SNX30: variants seen among roughly 807,000 people sequenced by gnomAD.
The protein encoded by SNX30 is sorting nexin family member 30, also known as sorting nexin-30.
A neutral mutation model predicts 46.4 loss-of-function variants in SNX30; 24 were observed. That is an observed-to-expected ratio of 0.52 (90% CI 0.37 to 0.73). The LOEUF (loss-of-function observed/expected upper bound fraction) is 0.73. Ranked by LOEUF, SNX30 falls within the 30% of genes least tolerant of loss-of-function variation. The pLI is 0.00. For missense variants in SNX30, 533 were observed against 555.7 expected, an observed-to-expected ratio of 0.96 and a Z score of 0.41; for synonymous variants, 189 against 211.5, an observed-to-expected ratio of 0.89 and a Z score of 0.92.
intron 2 of SNX30, among the ~76,000 whole-genome samples, chr9:112,811,758 G>A (rs1421026466): frequency 6.6e-6 from 1 of 152,200 alleles, no homozygotes; most frequent in Non-Finnish European, 1.5e-5. Flanking sequence ...GACACACGAT[G>A]TGGAAGGACA....
chr9:112,817,362 A>ATTCTATTT (rs1588126076), intron 2 of SNX30, among the ~76,000 whole-genome samples: 2 of 124,762 alleles, frequency 1.6e-5, no homozygotes, highest in East Asian at 5.4e-4. Context: ...GGATAGTTGA[A>ATTCTATTT]TTCTATTTCC....
chr9:112,786,243 G>A (rs1271821564), intron 1 of SNX30, among the ~76,000 whole-genome samples: 1 of 151,702 alleles, frequency 6.6e-6, no homozygotes, highest in Admixed American at 6.6e-5. Flanking sequence ...TCAGCCTCCT[G>A]AGTAGCTGGG....
At chr9:112,755,296 C>T (rs940450689) in intron 1 of SNX30, among the ~76,000 whole-genome samples, 3 of 152,016 alleles carry the variant, frequency 2.0e-5, no homozygotes, top group Non-Finnish European at 2.9e-5. Context: ...GAAGACTGTC[C>T]GGGGAGGGAC....
chr9:112,857,041 C>T (rs529009711), intron 7 of SNX30, among the ~76,000 whole-genome samples: 1 of 152,322 alleles, frequency 6.6e-6, no homozygotes, highest in Admixed American at 6.5e-5. Flanking sequence ...TGGTGCCTTT[C>T]CCCAGGGCGC....
At chr9:112,843,702 AC>A (rs1840894118) in intron 6 of SNX30, among the ~76,000 whole-genome samples, 1 of 129,308 alleles carries the variant, frequency 7.7e-6, no homozygotes, top group African/African-American at 2.9e-5. Context: ...TGCAACCTCC[AC>A]TTCCCGCTTC....
chr9:112,787,838 C>A (rs1839956844), intron 1 of SNX30, among the ~76,000 whole-genome samples: 1 of 151,708 alleles, frequency 6.6e-6, no homozygotes, highest in Non-Finnish European at 1.5e-5. Flanking sequence ...GCTCTGTCGC[C>A]CAGGGTAGAG....
chr9:112,784,354 T>G (rs1839887359), intron 1 of SNX30, among the ~76,000 whole-genome samples: 1 of 152,224 alleles, frequency 6.6e-6, no homozygotes, highest in African/African-American at 2.4e-5. Context: ...TGATTGCAGC[T>G]TGCTGCTTAA....
intron 1 of SNX30, among the ~76,000 whole-genome samples, chr9:112,765,619 A>C (rs1376209869): frequency 6.6e-6 from 1 of 152,186 alleles, no homozygotes; most frequent in African/African-American, 2.4e-5. Flanking sequence ...TGTATGTATC[A>C]GTACTTCATT....
intron 1 of SNX30, among the ~76,000 whole-genome samples, chr9:112,752,457 G>A (rs369952587): frequency 2.0e-5 from 3 of 151,858 alleles, no homozygotes; most frequent in African/African-American, 4.8e-5. Context: ...TTCCACATAC[G>A]CACACAGCAT....
chr9:112,780,604 C>T (rs1564266626), intron 1 of SNX30, among the ~76,000 whole-genome samples: 1 of 152,112 alleles, frequency 6.6e-6, no homozygotes, highest in Non-Finnish European at 1.5e-5. Context: ...ATGTGGGCTC[C>T]TCCCTTGGTG....
At chr9:112,814,784 C>T (rs948596996) in intron 2 of SNX30, among the ~76,000 whole-genome samples, 1 of 152,192 alleles carries the variant, frequency 6.6e-6, no homozygotes, top group African/African-American at 2.4e-5. Flanking sequence ...TATATGTACA[C>T]TTTTGTCCAG....
intron 7 of SNX30, among the ~76,000 whole-genome samples, chr9:112,851,368 G>A (rs779127726): frequency 1.6e-4 from 24 of 152,234 alleles, no homozygotes; most frequent in Non-Finnish European, 2.9e-4. Context: ...AGAACCAGTT[G>A]AACACATTGT....
At chr9:112,795,765 T>TCTCTCACACACACA (rs34877094) in intron 1 of SNX30, among the ~76,000 whole-genome samples, 3 of 123,220 alleles carry the variant, frequency 2.4e-5, no homozygotes, top group Admixed American at 7.6e-5. Flanking sequence ...CACAGTACAG[T>TCTCTCACACACACA]CACACACACA....
At chr9:112,857,635 C>T (rs900995289) in intron 7 of SNX30, among the ~76,000 whole-genome samples, 1 of 152,112 alleles carries the variant, frequency 6.6e-6, no homozygotes, top group Admixed American at 6.5e-5. Context: ...TTTTCCTAAC[C>T]TACTATCATC....
At chr9:112,778,270 CTTTTTTTTT>C (rs1001151120) in intron 1 of SNX30, among the ~76,000 whole-genome samples, 1 of 123,352 alleles carries the variant, frequency 8.1e-6, no homozygotes, top group African/African-American at 2.9e-5. Context: ...GGCCATATTC[CTTTTTTTTT>C]TTTTTTTTTT....
chr9:112,864,585 G>C (rs1841288870), intron 8 of SNX30, among the ~76,000 whole-genome samples, 186 bp downstream of exon 8: 1 of 152,214 alleles, frequency 6.6e-6, no homozygotes, highest in East Asian at 1.9e-4. Context: ...TGGCAGCAGA[G>C]GGGGTGCTCA....
intron 1 of SNX30, among the ~76,000 whole-genome samples, chr9:112,764,630 T>C (rs1381916515): frequency 6.6e-6 from 1 of 151,792 alleles, no homozygotes; most frequent in African/African-American, 2.4e-5. Flanking sequence ...CTAGCTGGGA[T>C]TGGGTGGGTG....
At chr9:112,861,125 G>A (rs1013409588) in intron 7 of SNX30, among the ~76,000 whole-genome samples, 2 of 152,240 alleles carry the variant, frequency 1.3e-5, no homozygotes, top group African/African-American at 4.8e-5. Flanking sequence ...TGCTCGTGCT[G>A]TGTACTGAAG....
intron 6 of SNX30, among the ~76,000 whole-genome samples, chr9:112,842,677 C>G (rs1262380452): frequency 6.6e-6 from 1 of 152,218 alleles, no homozygotes; most frequent in African/African-American, 2.4e-5. Flanking sequence ...TGCCAAGAGG[C>G]AAACTAGGTG....
Sources: allele counts gnomAD v4.1 joint callset (sites outside exome capture counted in the v4.1 genomes callset), GRCh38; gene constraint gnomAD v4.1.1; transcripts MANE v1.5; gene names NCBI Gene and HGNC (gene_info 2026-07-23, HGNC 2026-07-21).